Variants in SCLT1 observed in about 807,000 individuals in gnomAD.
SCLT1 encodes sodium channel and clathrin linker 1, also known as sodium channel-associated protein 1.
A neutral mutation model predicts 112.8 loss-of-function variants in SCLT1; 78 were observed. That is an observed-to-expected ratio of 0.69 (90% CI 0.58 to 0.83). The LOEUF is 0.83. Ranked by LOEUF, SCLT1 falls within the 40% of genes least tolerant of loss-of-function variation. The pLI, the probability that SCLT1 is intolerant of heterozygous loss-of-function variation, is 0.00. For synonymous variants in SCLT1, 257 were observed against 254.7 expected (o/e 1.01, Z -0.09); for missense variants, 747 against 770.4 (o/e 0.97, Z 0.36).
At position 128,975,889 on chromosome 4, in the gene SCLT1, C is replaced by G. The variant is rs180711892; in HGVS notation, c.687-5421G>C. Among the ~76,000 whole-genome samples, 249 of 152,198 alleles carry G rather than the reference C, an allele frequency of 1.6e-3. 2 individuals are homozygous for G. The highest frequency in any genetic ancestry group is 0.014 in the East Asian group (71 of 5,186). The stretch of plus-strand genomic sequence containing the variant: ...CCTCTTCCCAATCTTTACTGGCAGT[C>G]TAATAATGAAACCTATTCAAGACAG... On this transcript the variant is annotated intron_variant, in intron 9 of 20. Coordinates refer to ENST00000281142, the MANE Select transcript of SCLT1 (RefSeq NM_144643.4).
At chr4:128,978,886 C>G (rs1237480226) in intron 9 of SCLT1, among the ~76,000 whole-genome samples, 43 of 151,758 alleles carry the variant, frequency 2.8e-4, no homozygotes, top group African/African-American at 8.0e-4. Flanking sequence ...AATGGGGGTA[C>G]AATATAATAG....
At chr4:129,010,954 T>C (rs749561202) in intron 5 of SCLT1, among the ~76,000 whole-genome samples, 2 of 152,226 alleles carry the variant, frequency 1.3e-5, no homozygotes, top group Admixed American at 6.5e-5. Flanking sequence ...TCCAATACTA[T>C]GTCAAATAGG....
chr4:128,961,943 C>T (rs1472581827), intron 11 of SCLT1, among the ~76,000 whole-genome samples: 5 of 152,142 alleles, frequency 3.3e-5, no homozygotes, highest in Admixed American at 1.3e-4. Context: ...TGTTGGCTAT[C>T]GTTGTTAAGA....
chr4:128,895,874 C>T (rs1242370434), intron 18 of SCLT1, among the ~76,000 whole-genome samples: 2 of 152,232 alleles, frequency 1.3e-5, no homozygotes, highest in Non-Finnish European at 2.9e-5. Flanking sequence ...TAGCAAACGG[C>T]ACACCAGGAG....
At chr4:129,045,791 A>T (rs556171589) in intron 2 of SCLT1, among the ~76,000 whole-genome samples, 1 of 152,150 alleles carries the variant, frequency 6.6e-6, no homozygotes, top group African/African-American at 2.4e-5. Context: ...TGAATTCTAA[A>T]CTTTCACTTA....
chr4:128,957,165 A>G (rs1739288740), intron 12 of SCLT1, 41 bp from the exon 13 acceptor site: 1 of 1,211,544 alleles, frequency 8.3e-7, no homozygotes, highest in African/African-American at 1.5e-5. Flanking sequence ...TAACATTATT[A>G]TTAGTAAAGA....
At position 129,081,854 on chromosome 4, in the gene SCLT1, T is replaced by G. The variant is rs531635909; in HGVS notation, c.102+452A>C. On this transcript the variant is annotated intron_variant, in intron 2 of 20. Transcript: ENST00000281142. ...TTACCTTCCTTTTAATATTCTGTAA[T>G]GCAAGGTCCACCAATAATTATACCT... 5.3e-5 allele frequency among the ~76,000 whole-genome samples: 8 copies of G among 152,336 alleles called. No individual in the cohort carries two copies. In the East Asian group the frequency reaches 1.5e-3, roughly 29 times the overall value.
intron 8 of SCLT1, chr4:128,997,110 C>T (rs976953271): frequency 6.6e-6 from 1 of 151,820 alleles, no homozygotes; most frequent in African/African-American, 2.4e-5. Flanking sequence ...TTAGACACTT[C>T]AAATGTTAAC....
chr4:129,046,032 G>T (rs1424454279), intron 2 of SCLT1, among the ~76,000 whole-genome samples: 1 of 152,018 alleles, frequency 6.6e-6, no homozygotes. Flanking sequence ...ATGAAAGGAA[G>T]ATAATCAATA....
intron 2 of SCLT1, among the ~76,000 whole-genome samples, chr4:129,057,261 T>A (rs930286868): frequency 6.6e-6 from 1 of 152,216 alleles, no homozygotes; most frequent in African/African-American, 2.4e-5. Context: ...TTTCAATCTA[T>A]ATTCATCAGA....
At chr4:129,040,055 A>G in intron 4 of SCLT1, 2 of 633,202 alleles carry the variant, frequency 3.2e-6, no homozygotes, top group South Asian at 1.7e-5. Flanking sequence ...CCTGGAGTAC[A>G]CTTTCGCAAG....
intron 9 of SCLT1, among the ~76,000 whole-genome samples, chr4:128,978,888 AT>A (rs1288292312): frequency 2.8e-4 from 43 of 152,310 alleles, no homozygotes; most frequent in African/African-American, 7.9e-4. Flanking sequence ...TGGGGGTACA[AT>A]ATAATAGAAA....
chr4:129,029,873 T>C (rs1202953928), intron 5 of SCLT1, among the ~76,000 whole-genome samples: 1 of 152,042 alleles, frequency 6.6e-6, no homozygotes, highest in African/African-American at 2.4e-5. Context: ...GTGGGAGACT[T>C]TAACATCCCA....
At chr4:128,901,757 C>G (rs1396940093) in intron 18 of SCLT1, among the ~76,000 whole-genome samples, 2 of 151,872 alleles carry the variant, frequency 1.3e-5, no homozygotes, top group Non-Finnish European at 2.9e-5. Context: ...AGACAGCTTT[C>G]TTTACACATC....
chr4:129,003,436 A>G (rs1274994604), intron 6 of SCLT1, among the ~76,000 whole-genome samples: 1 of 151,008 alleles, frequency 6.6e-6, no homozygotes, highest in Non-Finnish European at 1.5e-5. Context: ...GTATAATTAA[A>G]AAAAAAAAAA....
intron 16 of SCLT1, chr4:128,944,588 A>G (rs942221744): frequency 3.9e-5 from 6 of 152,192 alleles, no homozygotes; most frequent in Non-Finnish European, 7.4e-5. Flanking sequence ...CCAGAGATTA[A>G]AGGAGATGCA....
chr4:128,942,816 T>G (rs551691971), intron 17 of SCLT1, among the ~76,000 whole-genome samples, 180 bp downstream of exon 17: 8 of 152,202 alleles, frequency 5.3e-5, no homozygotes, highest in African/African-American at 1.9e-4. Flanking sequence ...CATTTTCAAG[T>G]ATGCCTGCCA....
At chr4:128,895,899 C>A (rs931488388) in intron 18 of SCLT1, among the ~76,000 whole-genome samples, 87 of 152,352 alleles carry the variant, frequency 5.7e-4, no homozygotes, top group Middle Eastern at 3.4e-3. Flanking sequence ...TATCCTCTGC[C>A]TGGCTTGAAG....
intron 1 of SCLT1, among the ~76,000 whole-genome samples, chr4:129,088,900 C>T (rs1401266503): frequency 6.6e-6 from 1 of 152,166 alleles, no homozygotes; most frequent in African/African-American, 2.4e-5. Flanking sequence ...TATAAAAACC[C>T]TAGAAGAAAA....
Sources: gnomAD v4.1 joint callset for allele counts (sites outside exome capture counted in the v4.1 genomes callset) on GRCh38, gnomAD v4.1.1 for gene constraint, MANE v1.5 for transcripts, NCBI Gene and HGNC (gene_info 2026-07-23, HGNC 2026-07-21) for gene names.